The following MDFI variants were observed in gnomAD, a reference collection of about 807,000 sequenced individuals.
MDFI encodes the protein inhibitor of MyoD family a.
A neutral mutation model predicts 22.3 loss-of-function variants in MDFI; 16 were observed. The observed-to-expected ratio is 0.72, with a 90% confidence interval of 0.49 to 1.09. MDFI has a LOEUF of 1.09. MDFI is among the 50% of genes least tolerant of loss of function. The probability of loss-of-function intolerance (pLI) is 0.00; values close to 1 mark genes in which losing one functional copy is unlikely to be tolerated. For synonymous variants in MDFI, 145 were observed against 142.7 expected (o/e 1.02, Z -0.12); for missense variants, 314 against 326.1 (o/e 0.96, Z 0.29).
intron 2 of MDFI, among the ~76,000 whole-genome samples, chr6:41,645,367 G>A (rs1437769036): frequency 1.3e-5 from 2 of 151,816 alleles, no homozygotes; most frequent in South Asian, 2.1e-4. Context: ...GCCTCCTGCC[G>A]CCCCTGCACA....
intron 2 of MDFI, among the ~76,000 whole-genome samples, chr6:41,643,412 T>G (rs1310492738): frequency 6.6e-6 from 1 of 152,000 alleles, no homozygotes; most frequent in Admixed American, 6.6e-5. Context: ...ACCTCTCCCC[T>G]AACCGAGAAC....
chr6:41,637,686 G>A (rs942725604), upstream of MDFI, among the ~76,000 whole-genome samples: 4 of 151,910 alleles, frequency 2.6e-5, no homozygotes, highest in African/African-American at 9.7e-5. The surrounding 1 kb of genome is among the most constrained non-coding windows in gnomAD (Gnocchi z 6.8). Flanking sequence ...CAGACGCGCC[G>A]CCCGGCTGGC....
Position 41,653,350 on chromosome 6 carries a change from G to A in MDFI, c.516G>A (p.Leu172=), listed in dbSNP as rs757970795. ...DCCVHCILSC[L]FCEFLTLCNI... ...GTGTCCACTGCATCCTGTCCTGCCT[G>A]TTCTGCGAGTTCCTGACGCTGTGCA... Residue 172 remains leucine, a synonymous_variant, in exon 5 of 5, where the codon CTG becomes CTA. Coordinates refer to ENST00000230321, the MANE Select transcript of MDFI (RefSeq NM_005586.4). The surrounding 1 kb of genome is among the most constrained non-coding windows in gnomAD (Gnocchi z 4.2). 46 of 1,612,544 alleles carry A rather than the reference G, an allele frequency of 2.9e-5. No homozygotes were observed. The Middle Eastern group carries it at 4.9e-4, about 17-fold the overall frequency.
At chr6:41,651,956 T>C (rs1046421875) in intron 4 of MDFI, among the ~76,000 whole-genome samples, 4 of 152,238 alleles carry the variant, frequency 2.6e-5, no homozygotes, top group Admixed American at 6.5e-5. Flanking sequence ...TAATCTTTCA[T>C]TGAACAAAAT....
At chr6:41,642,498 A>G (rs867353761) in intron 2 of MDFI, among the ~76,000 whole-genome samples, 1 of 152,122 alleles carries the variant, frequency 6.6e-6, no homozygotes, top group Non-Finnish European at 1.5e-5. Flanking sequence ...TCCAAGCAGG[A>G]GCTGCTTCTC....
rs1581848425 is a variant in MDFI at position 41,653,699 on chromosome 6, A to G, written c.*124A>G. 5 of 1,252,126 alleles carry G rather than the reference A, an allele frequency of 4.0e-6. No homozygotes were observed. The Admixed American group carries it at 1.1e-4, about 27-fold the overall frequency. The allele number at this position is 1,252,126 out of a possible 1,614,324, so 77.6% of individuals were successfully genotyped here. A position where few individuals can be genotyped will look rare whatever the true frequency, so the allele number is the denominator to read the frequency against. On this transcript the variant is annotated 3_prime_UTR_variant, in exon 5 of 5. Coordinates refer to ENST00000230321, the MANE Select transcript of MDFI (RefSeq NM_005586.4). The surrounding 1 kb of genome is among the most constrained non-coding windows in gnomAD (Gnocchi z 4.2). ...AGCCCCCTCTCCCTGGTCCTCTCCT[A>G]CCCACCCATGTCCTCTCAGAACCCC...
intron 2 of MDFI, among the ~76,000 whole-genome samples, chr6:41,642,782 C>G (rs1223875086): frequency 6.6e-6 from 1 of 152,126 alleles, no homozygotes; most frequent in East Asian, 1.9e-4. Context: ...GCCTGGTAGG[C>G]TTTCTGTGGG....
At position 41,652,180 on chromosome 6, in the gene MDFI, AAAG is replaced by A. The variant is rs575841034; in HGVS notation, c.485-1135_485-1133del. Among the ~76,000 whole-genome samples the A allele has an allele frequency of 1.9e-3, 290 of 152,294 alleles. 2 individuals are homozygous for A. The highest frequency in any genetic ancestry group is 6.9e-3 in the African/African-American group (285 of 41,570). On this transcript the variant is annotated intron_variant, in intron 4 of 4. Transcript: ENST00000230321. ...CCTCGGTGAGAGGTGGCATTTGGGC[AAAG>A]AAGGAGATGAGGGACTCAGCCAAGC... is the stretch of plus-strand genomic sequence containing the variant.
At chr6:41,640,763 G>C (rs1767824483) in intron 2 of MDFI, among the ~76,000 whole-genome samples, 2 of 152,224 alleles carry the variant, frequency 1.3e-5, no homozygotes, top group African/African-American at 4.8e-5. Flanking sequence ...ACTCAGGGCA[G>C]ATCTGGTAGG....
chr6:41,653,435 T>C lies in MDFI; in HGVS notation c.601T>C (p.Cys201Arg), dbSNP rs756899095. The C allele has an allele frequency of 1.2e-6, 2 of 1,607,186 alleles. No individual in the cohort carries two copies. Among genetic ancestry groups the C allele is most frequent in the South Asian group, 2.2e-5 (2 of 91,086 alleles). ...CAGCTCGGAGGACTCGTGCCTCTGCTGCTGCTGCTGTGGCTCTGGCGAGTG... is the reference window on the plus strand; with the variant it reads ...CAGCTCGGAGGACTCGTGCCTCTGCCGCTGCTGCTGTGGCTCTGGCGAGTG... The part of the protein sequence containing the change: ...SCSSEDSCLC[C>R]CCCGSGECAD... Residue 201 changes from cysteine to arginine, a missense_variant, in exon 5 of 5, where the codon TGC becomes CGC. Physicochemically the swap from Cys to Arg is radical, Grantham distance 180. Coordinates refer to ENST00000230321, the MANE Select transcript of MDFI (RefSeq NM_005586.4). The surrounding 1 kb of genome is among the most constrained non-coding windows in gnomAD (Gnocchi z 4.2).
intron 2 of MDFI, among the ~76,000 whole-genome samples, chr6:41,645,240 C>T (rs1016520074): frequency 2.6e-5 from 4 of 151,972 alleles, no homozygotes; most frequent in African/African-American, 4.8e-5. Context: ...TGTGGACGCT[C>T]GGACCCCTTT....
intron 4 of MDFI, among the ~76,000 whole-genome samples, chr6:41,650,820 C>T (rs978506624): frequency 2.6e-5 from 4 of 151,968 alleles, no homozygotes; most frequent in Non-Finnish European, 5.9e-5. Flanking sequence ...GTGATCCACC[C>T]GCCTCGGCCT....
At chr6:41,641,845 C>T (rs1009282710) in intron 2 of MDFI, among the ~76,000 whole-genome samples, 1 of 152,106 alleles carries the variant, frequency 6.6e-6, no homozygotes, top group African/African-American at 2.4e-5. Flanking sequence ...AAGAGGTTCC[C>T]CCCTACTCCC....
intron 2 of MDFI, among the ~76,000 whole-genome samples, chr6:41,645,040 C>T (rs1397974065): frequency 6.6e-6 from 1 of 152,022 alleles, no homozygotes; most frequent in Non-Finnish European, 1.5e-5. Context: ...CTCTGAGTCT[C>T]TTGTTTCTGT....
At chr6:41,641,831 C>T (rs775895003) in intron 2 of MDFI, among the ~76,000 whole-genome samples, 25 of 152,132 alleles carry the variant, frequency 1.6e-4, no homozygotes, top group Middle Eastern at 3.2e-3. Context: ...ACCATCCCAC[C>T]GGAAAGAGGT....
rs1453959413 is a variant in MDFI at position 41,653,450 on chromosome 6, T to C, written c.616T>C (p.Ser206Pro). 6.2e-7 allele frequency: 1 copy of C among 1,605,674 alleles called. No homozygotes were observed. The highest frequency in any genetic ancestry group is 2.2e-5 in the East Asian group (1 of 44,896). The change falls in exon 5 of 5, where the codon TCT (serine) becomes CCT (proline). Residue 206 changes from serine to proline, a missense_variant. Transcript: ENST00000230321. This position sits in a 1 kb window ranked among gnomAD's most constrained non-coding sequence, Gnocchi z 4.2. ...DSCLCCCCCGSGECADCDLPC... is the reference protein window; with the variant it reads ...DSCLCCCCCGPGECADCDLPC... ...GTGCCTCTGCTGCTGCTGCTGTGGC[T>C]CTGGCGAGTGTGCCGACTGCGACCT...
chr6:41,643,114 C>G (rs551143338), intron 2 of MDFI, among the ~76,000 whole-genome samples: 30 of 152,242 alleles, frequency 2.0e-4, no homozygotes, highest in African/African-American at 6.7e-4. Context: ...CCTGTCATGC[C>G]CTGCTATCAT....
At chr6:41,647,831 A>G (rs1768108685) in intron 3 of MDFI, among the ~76,000 whole-genome samples, 1 of 151,996 alleles carries the variant, frequency 6.6e-6, no homozygotes, top group African/African-American at 2.4e-5. Context: ...TCACGAGGTC[A>G]GGAGATCGAG....
chr6:41,642,878 G>A (rs1767901199), intron 2 of MDFI, among the ~76,000 whole-genome samples: 2 of 152,282 alleles, frequency 1.3e-5, no homozygotes, highest in South Asian at 4.1e-4. Context: ...GTGACTGTCA[G>A]GAGAGGCTGC....
Sources: allele counts gnomAD v4.1 joint callset (sites outside exome capture counted in the v4.1 genomes callset), GRCh38; gene constraint gnomAD v4.1.1; non-coding constraint Gnocchi (gnomAD v3.1); transcripts MANE v1.5; gene names NCBI Gene and HGNC (gene_info 2026-07-23, HGNC 2026-07-21).